CCNI: variants seen among roughly 807,000 people sequenced by gnomAD.
CCNI encodes the protein cyclin I, also known as cyclin-I.
A neutral mutation model predicts 34.1 loss-of-function variants in CCNI; 14 were observed. The observed-to-expected ratio is 0.41, with a 90% CI of 0.27 to 0.64. The LOEUF (loss-of-function observed/expected upper bound fraction) is 0.64. Among genes scored for constraint, CCNI ranks in the 30% least tolerant of loss-of-function variants. The pLI is 0.31. For synonymous variants in CCNI, 154 were observed against 158.4 expected, an observed-to-expected ratio of 0.97 and a Z score of 0.21; for missense variants, 385 against 440.5, an observed-to-expected ratio of 0.87 and a Z score of 1.13.
intron 6 of CCNI, among the ~76,000 whole-genome samples, chr4:77,050,059 A>G (rs1395205718): frequency 6.6e-6 from 1 of 152,098 alleles, no homozygotes; most frequent in Non-Finnish European, 1.5e-5. Flanking sequence ...TTCTAGCCTT[A>G]TTTCCTAGCA....
rs1257428325 is a variant in CCNI at position 77,048,153 on chromosome 4, T to C, written c.*66A>G. 5 of 1,246,092 alleles carry C rather than the reference T, an allele frequency of 4.0e-6. No individual in the cohort carries two copies. The African/African-American group carries it at 7.5e-5, about 19-fold the overall frequency. The allele number at this position is 1,246,092 out of a possible 1,614,324, so 77.2% of individuals were successfully genotyped here. A position where few individuals can be genotyped will look rare whatever the true frequency, so the allele number is the denominator to read the frequency against. ...TATTTCCTTCTACAGCCTTTCCTGA[T>C]TTTGCATGTTCTCATTCCCAAAGTA... On this transcript the variant is annotated 3_prime_UTR_variant, in exon 7 of 7. Coordinates refer to ENST00000237654, the MANE Select transcript of CCNI (RefSeq NM_006835.3).
intron 1 of CCNI, among the ~76,000 whole-genome samples, chr4:77,073,958 G>A (rs780512801): frequency 6.6e-6 from 1 of 152,050 alleles, no homozygotes; most frequent in Non-Finnish European, 1.5e-5. Flanking sequence ...ATTAACTCAT[G>A]TAATGTTCCC....
chr4:77,059,934 C>G (rs1313790211), intron 2 of CCNI, among the ~76,000 whole-genome samples: 1 of 152,164 alleles, frequency 6.6e-6, no homozygotes, highest in Non-Finnish European at 1.5e-5. Context: ...CAGCCAAACA[C>G]ATCAACAAGG....
In CCNI at chr4:77,055,265, T is replaced by C. The variant is rs1378392426; in HGVS notation, c.575A>G (p.Asn192Ser). The stretch of plus-strand genomic sequence containing the variant: ...GGATCCTCTGAATTGCAGAAGTTGG[T>C]TGCAGGCCATACAGTGAAGTAGTTG... ...TKQLLHCMAC[N>S]QLLQFRGSML... The change falls in exon 6 of 7, where the codon AAC (asparagine) becomes AGC (serine). Residue 192 changes from asparagine (N) to serine (S), a missense_variant. Physicochemically the swap from Asn to Ser is conservative, Grantham distance 46. Coordinates refer to ENST00000237654, the MANE Select transcript of CCNI (RefSeq NM_006835.3). The C allele has an allele frequency of 8.1e-6, 13 of 1,614,008 alleles. No individual in the cohort carries two copies. In the Admixed American group the frequency reaches 1.3e-4, roughly 17 times the overall value.
intron 6 of CCNI, among the ~76,000 whole-genome samples, chr4:77,051,716 T>C (rs1213896844): frequency 1.3e-5 from 2 of 152,116 alleles, no homozygotes; most frequent in African/African-American, 4.8e-5. Flanking sequence ...CTACCAAAAC[T>C]CTCGACACCA....
At chr4:77,072,159 A>G (rs143419300) in intron 1 of CCNI, among the ~76,000 whole-genome samples, 1 of 152,264 alleles carries the variant, frequency 6.6e-6, no homozygotes, top group South Asian at 2.1e-4. Flanking sequence ...AGGATTATAT[A>G]CCATAACCAA....
intron 2 of CCNI, among the ~76,000 whole-genome samples, chr4:77,062,141 T>C (rs1039608278): frequency 4.6e-5 from 7 of 152,150 alleles, no homozygotes; most frequent in African/African-American, 1.7e-4. Flanking sequence ...CTCACCTGCC[T>C]TATTATGTAT....
At chr4:77,053,222 C>T (rs1273383168) in intron 6 of CCNI, among the ~76,000 whole-genome samples, 2 of 152,034 alleles carry the variant, frequency 1.3e-5, no homozygotes, top group Non-Finnish European at 2.9e-5. Flanking sequence ...GAAAGGGTTC[C>T]ACTTCTAAAA....
intron 2 of CCNI, chr4:77,064,737 T>C (rs566571004): frequency 2.6e-5 from 4 of 151,676 alleles, no homozygotes; most frequent in African/African-American, 9.7e-5. Context: ...TGGAGTGCAG[T>C]GACGTGATCT....
intron 1 of CCNI, among the ~76,000 whole-genome samples, chr4:77,073,900 A>C (rs1218155887): frequency 6.6e-6 from 1 of 152,230 alleles, no homozygotes; most frequent in Non-Finnish European, 1.5e-5. Context: ...AAGTAAAAGC[A>C]CTGAGTGCTT....
intron 1 of CCNI, among the ~76,000 whole-genome samples, chr4:77,074,177 A>G (rs1560788728): frequency 6.6e-6 from 1 of 152,196 alleles, no homozygotes; most frequent in Non-Finnish European, 1.5e-5. Flanking sequence ...GCTCCATTCT[A>G]ACCTACTAGG....
chr4:77,048,953 C>T (rs1193151634), intron 6 of CCNI, among the ~76,000 whole-genome samples: 1 of 138,692 alleles, frequency 7.2e-6, no homozygotes, highest in Non-Finnish European at 1.5e-5. Flanking sequence ...TTTTTTGTAT[C>T]CAACGTCTGT....
At chr4:77,065,851 C>T (rs1728998147) in intron 2 of CCNI, among the ~76,000 whole-genome samples, 1 of 152,156 alleles carries the variant, frequency 6.6e-6, no homozygotes, top group African/African-American at 2.4e-5. Context: ...TATAATCCTA[C>T]CACTTTGGGA....
rs756497401 is a variant in CCNI, at chr4:77,055,308, A to T, written c.532T>A (p.Leu178Met). 1 of 1,614,230 alleles carries T rather than the reference A, an allele frequency of 6.2e-7. No individual in the cohort carries two copies. Among genetic ancestry groups the T allele is most frequent in the Admixed American group, 1.7e-5 (1 of 60,026 alleles). ...AGTAGTTGCTTGGTAAGGACTGCCAAATGTTGAGATGGGCTCAATTTGGGC... is the reference window on the plus strand; with the variant it reads ...AGTAGTTGCTTGGTAAGGACTGCCATATGTTGAGATGGGCTCAATTTGGGC... Reference protein sequence around the residue: ...SLPKLSPSQHLAVLTKQLLHC... With the variant: ...SLPKLSPSQHMAVLTKQLLHC... The change falls in exon 6 of 7, where the codon TTG becomes ATG. Residue 178 changes from leucine (L) to methionine (M), a missense_variant. Around this residue, in one of 2 missense-constraint regions of CCNI, gnomAD observed 250 missense variants for 248.7 expected, o/e 1.01. Transcript: ENST00000237654.
chr4:77,058,294 C>G (rs1413924130), intron 3 of CCNI, among the ~76,000 whole-genome samples: 1 of 152,030 alleles, frequency 6.6e-6, no homozygotes, highest in African/African-American at 2.4e-5. Flanking sequence ...GGCAGACACA[C>G]TCCAGCCAGG....
At chr4:77,070,750 G>A (rs1394563569) in intron 1 of CCNI, among the ~76,000 whole-genome samples, 1 of 152,032 alleles carries the variant, frequency 6.6e-6, no homozygotes, top group African/African-American at 2.4e-5. Flanking sequence ...CAACACTTTG[G>A]GAGGCCAAGG....
At chr4:77,048,960 CTGTT>C (rs1458561064) in intron 6 of CCNI, among the ~76,000 whole-genome samples, 1 of 65,796 alleles carries the variant, frequency 1.5e-5, no homozygotes, top group Admixed American at 1.8e-4. Context: ...TATCCAACGT[CTGTT>C]TTTTTTTTTT....
intron 2 of CCNI, among the ~76,000 whole-genome samples, chr4:77,058,840 A>G (rs952840050): frequency 6.6e-6 from 1 of 152,094 alleles, no homozygotes; most frequent in East Asian, 1.9e-4. Context: ...ATATTCTCCT[A>G]CTCTTTATTA....
intron 1 of CCNI, among the ~76,000 whole-genome samples, chr4:77,072,678 G>A (rs1454773696): frequency 6.8e-6 from 1 of 147,764 alleles, no homozygotes; most frequent in Non-Finnish European, 1.5e-5. Flanking sequence ...AAACGAAACT[G>A]CAATACCTGA....
Sources: gnomAD v4.1 joint callset for allele counts (sites outside exome capture counted in the v4.1 genomes callset) on GRCh38, gnomAD v4.1.1 for gene constraint, gnomAD v4.1.1 regional missense constraint, MANE v1.5 for transcripts, NCBI Gene and HGNC (gene_info 2026-07-23, HGNC 2026-07-21) for gene names.